The following EPHA5 variants were observed in gnomAD, a reference collection of about 807,000 sequenced individuals.
EPHA5 encodes ephrin type-A receptor 5.
A neutral mutation model predicts 105.0 loss-of-function variants in EPHA5; 60 were observed. The ratio of observed to expected loss-of-function variants is 0.57; its 90% CI spans 0.46 to 0.71. The LOEUF (loss-of-function observed/expected upper bound fraction) is 0.71. Ranked by LOEUF, EPHA5 falls within the 30% of genes least tolerant of loss-of-function variation. EPHA5 has a pLI of 0.00. For synonymous variants in EPHA5, 513 were observed against 449.1 expected, an observed-to-expected ratio of 1.14 and a Z score of -1.80; for missense variants, 1,218 against 1,274.7, an observed-to-expected ratio of 0.96 and a Z score of 0.68.
At chr4:65,646,708 T>A (rs1045014979) in intron 1 of EPHA5, among the ~76,000 whole-genome samples, 2 of 152,208 alleles carry the variant, frequency 1.3e-5, no homozygotes, top group Non-Finnish European at 2.9e-5. Flanking sequence ...ATGTACCAGA[T>A]AAAGAATTGT....
rs1296497088 is a variant in EPHA5, at chr4:65,320,807, G to A, written c.*3307C>T. ...TTACAAACTGAATTAAGGATATTCT[G>A]TGTTGTTTAGGCAACTCTGAAACCA... On this transcript the variant is annotated 3_prime_UTR_variant, in exon 17 of 17. Transcript: ENST00000613740. 4.3e-6 allele frequency: 1 copy of A among 229,984 alleles called. No individual in the cohort carries two copies. The highest frequency in any genetic ancestry group is 6.1e-5 in the East Asian group (1 of 16,266). 14.2% of individuals were successfully genotyped at this position (229,984 alleles called of 1,614,324 possible).
chr4:65,488,807 C>A (rs542990693), intron 5 of EPHA5, among the ~76,000 whole-genome samples: 4 of 151,864 alleles, frequency 2.6e-5, no homozygotes, highest in Admixed American at 2.0e-4. Flanking sequence ...ATGCTTCACA[C>A]AATCTGGGCT....
chr4:65,420,696 T>C (rs6551923), intron 5 of EPHA5, 131 bp from the exon 6 acceptor site: 803,368 of 808,004 alleles, frequency 0.99, 399,544 homozygotes, highest in East Asian at 1. Flanking sequence ...ATTTTAGTTT[T>C]TCTATATAAG....
At chr4:65,451,874 T>A (rs116740970) in intron 5 of EPHA5, among the ~76,000 whole-genome samples, 1 of 152,180 alleles carries the variant, frequency 6.6e-6, no homozygotes, top group Non-Finnish European at 1.5e-5. Flanking sequence ...AAATCAGACA[T>A]GGGCTATTGA....
chr4:65,465,582 GAAAGGAAAGA>G (rs1216633958), intron 5 of EPHA5, among the ~76,000 whole-genome samples: 1 of 124,992 alleles, frequency 8.0e-6, no homozygotes, highest in Non-Finnish European at 1.9e-5. Flanking sequence ...GGAAAGGAAG[GAAAGGAAAGA>G]AAGGAAGGAA....
chr4:65,648,372 C>A (rs1343904406), intron 1 of EPHA5, among the ~76,000 whole-genome samples: 1 of 152,098 alleles, frequency 6.6e-6, no homozygotes, highest in Non-Finnish European at 1.5e-5. Context: ...AGGAAATAGA[C>A]ACATTGGAAT....
At chr4:65,661,129 T>A (rs1749523234) in intron 1 of EPHA5, among the ~76,000 whole-genome samples, 1 of 152,140 alleles carries the variant, frequency 6.6e-6, no homozygotes, top group Non-Finnish European at 1.5e-5. Context: ...GATAATTGAG[T>A]TGAAGTTTAA....
chr4:65,627,537 A>G (rs1746261568), intron 2 of EPHA5, among the ~76,000 whole-genome samples: 1 of 152,128 alleles, frequency 6.6e-6, no homozygotes, highest in African/African-American at 2.4e-5. Flanking sequence ...CTAGTTATTC[A>G]CAACTGTAAT....
At chr4:65,669,171 C>A (rs1402181827) in intron 1 of EPHA5, among the ~76,000 whole-genome samples, 3 of 152,070 alleles carry the variant, frequency 2.0e-5, no homozygotes, top group Non-Finnish European at 2.9e-5. Flanking sequence ...GAGCTTCCAA[C>A]AGTTCCCACT....
chr4:65,528,166 G>T (rs961309706), intron 3 of EPHA5, among the ~76,000 whole-genome samples: 2 of 149,790 alleles, frequency 1.3e-5, no homozygotes, highest in Admixed American at 1.3e-4. Context: ...GAAAAAGCTT[G>T]CTGTAGATGT....
intron 1 of EPHA5, among the ~76,000 whole-genome samples, chr4:65,644,775 A>G (rs1165450072): frequency 1.3e-5 from 2 of 152,026 alleles, no homozygotes; most frequent in Non-Finnish European, 2.9e-5. Context: ...CATTGAAAGT[A>G]TATAATAATG....
chr4:65,573,977 A>T (rs1578461648), intron 3 of EPHA5: 2 of 1,588,512 alleles, frequency 1.3e-6, no homozygotes, highest in Non-Finnish European at 1.7e-6. Flanking sequence ...CTAGTGGCTT[A>T]TTACTTGTGA....
At chr4:65,537,138 G>C (rs540064454) in intron 3 of EPHA5, among the ~76,000 whole-genome samples, 2 of 151,658 alleles carry the variant, frequency 1.3e-5, no homozygotes, top group African/African-American at 2.4e-5. Context: ...ATAAAAGAAG[G>C]TACTGAACAA....
intron 2 of EPHA5, among the ~76,000 whole-genome samples, chr4:65,633,683 T>C (rs1045014032): frequency 1.4e-4 from 22 of 151,812 alleles, no homozygotes; most frequent in Non-Finnish European, 2.5e-4. Flanking sequence ...AGGAAAATAT[T>C]TGGACTCAAT....
intron 5 of EPHA5, among the ~76,000 whole-genome samples, chr4:65,489,052 A>AT (rs1054466247): frequency 3.4e-5 from 5 of 147,084 alleles, no homozygotes; most frequent in Admixed American, 6.8e-5. Context: ...TGCCCGGCTA[A>AT]TTTTTTTTAT....
At chr4:65,618,194 A>C (rs991522197) in intron 2 of EPHA5, among the ~76,000 whole-genome samples, 2 of 152,184 alleles carry the variant, frequency 1.3e-5, no homozygotes, top group Non-Finnish European at 2.9e-5. Context: ...CAGTTAACAC[A>C]TGCCAATTCA....
chr4:65,569,062 T>C (rs920125335), intron 3 of EPHA5, among the ~76,000 whole-genome samples: 5 of 151,454 alleles, frequency 3.3e-5, no homozygotes, highest in South Asian at 2.1e-4. Flanking sequence ...ATGTACTTAC[T>C]ATGCAAACAT....
chr4:65,459,902 T>C (rs2149128034), intron 5 of EPHA5, among the ~76,000 whole-genome samples: 1 of 151,914 alleles, frequency 6.6e-6, no homozygotes, highest in Non-Finnish European at 1.5e-5. Context: ...TATAAAATAT[T>C]CAGTTATCCA....
chr4:65,341,058 A>G (rs931190301), intron 14 of EPHA5, among the ~76,000 whole-genome samples: 3 of 151,978 alleles, frequency 2.0e-5, no homozygotes, highest in Non-Finnish European at 2.9e-5. Flanking sequence ...GCTTCCCTTC[A>G]TCCCTCCTCA....
Sources: allele counts gnomAD v4.1 joint callset (sites outside exome capture counted in the v4.1 genomes callset), GRCh38; gene constraint gnomAD v4.1.1; transcripts MANE v1.5; gene names NCBI Gene and HGNC (gene_info 2026-07-23, HGNC 2026-07-21).